The following POC1A variants were observed in gnomAD, a reference collection of about 807,000 sequenced individuals.
POC1A encodes POC1 centriolar protein A, also known as POC1 centriolar protein homolog A.
Under a neutral mutation model 47.8 loss-of-function variants are expected in POC1A, and 34 were observed. The observed-to-expected ratio is 0.71, with a 90% CI of 0.54 to 0.95. POC1A has a LOEUF of 0.95. Ranked by LOEUF, POC1A falls within the 40% of genes least tolerant of loss-of-function variation. The pLI is 0.00. For synonymous variants in POC1A, 177 were observed against 207.6 expected (o/e 0.85, Z 1.27); for missense variants, 466 against 528.3 (o/e 0.88, Z 1.16).
At position 52,079,837 on chromosome 3, in the gene POC1A, A is replaced by G. The variant is rs1272344227; in HGVS notation, c.1126-3852T>C. 6.6e-6 allele frequency among the ~76,000 whole-genome samples: 1 copy of G among 152,216 alleles called. No homozygotes were observed. Among genetic ancestry groups the G allele is most frequent in the Non-Finnish European group, 1.5e-5 (1 of 68,040 alleles). On this transcript the variant is annotated intron_variant, in intron 10 of 10. Transcript: ENST00000296484. The surrounding 1 kb of genome is among the most constrained non-coding windows in gnomAD (Gnocchi z 4.6). ...TCTTGCTGGGGTCCAACTCTTCCAC[A>G]GTGCGGCCCCTTCTGTCTGCTGACC...
chr3:52,105,215 C>A (rs1442441862), intron 9 of POC1A, among the ~76,000 whole-genome samples: 7 of 152,288 alleles, frequency 4.6e-5, no homozygotes, highest in Non-Finnish European at 1.5e-5. Flanking sequence ...TCACTGAAAA[C>A]CAAGGCATGT....
At chr3:52,113,519 A>G (rs1703452673) in intron 9 of POC1A, among the ~76,000 whole-genome samples, 1 of 152,238 alleles carries the variant, frequency 6.6e-6, no homozygotes, top group Admixed American at 6.5e-5. Context: ...CCCAGCCAAC[A>G]TGGTGAAACA....
chr3:52,100,181 A>G (rs1031916279), intron 9 of POC1A, among the ~76,000 whole-genome samples: 2 of 152,206 alleles, frequency 1.3e-5, no homozygotes, highest in Admixed American at 1.3e-4. Context: ...GGAATTGCCT[A>G]AATGTCTGTG....
intron 1 of POC1A, 83 bp from the exon 2 acceptor site, chr3:52,151,183 G>C: frequency 2.5e-6 from 4 of 1,585,596 alleles, no homozygotes; most frequent in Admixed American, 1.8e-5. Flanking sequence ...TACAACAGCC[G>C]GGGGAGTAGG....
At chr3:52,151,180 G>T in intron 1 of POC1A, 80 bp from the exon 2 acceptor site, 1 of 1,595,726 alleles carries the variant, frequency 6.3e-7, no homozygotes. Context: ...TCCTACAACA[G>T]CCGGGGGAGT....
intron 6 of POC1A, 57 bp from the exon 7 acceptor site, chr3:52,138,359 G>C: frequency 6.4e-7 from 1 of 1,560,158 alleles, no homozygotes. Flanking sequence ...CACAGCTGAA[G>C]CCCAAGACGG....
At chr3:52,111,303 C>T (rs1703371465) in intron 9 of POC1A, among the ~76,000 whole-genome samples, 1 of 152,218 alleles carries the variant, frequency 6.6e-6, no homozygotes, top group African/African-American at 2.4e-5. Context: ...CTACCCTAAT[C>T]GCTGTTTCAG....
In POC1A at chr3:52,090,869, G is replaced by C. The variant is rs55664415; in HGVS notation, c.1125+5700C>G. Among the ~76,000 whole-genome samples the C allele has an allele frequency of 6.6e-6, 1 of 152,046 alleles. No homozygotes were observed. The highest frequency in any genetic ancestry group is 1.5e-5 in the Non-Finnish European group (1 of 68,006). ...ATGGAGGAGCCTGGCCTGGGGGGCA[G>C]GCAGATGAAAAGGCCCCAGGGGAAG... On this transcript the variant is annotated intron_variant, in intron 10 of 10. Coordinates refer to ENST00000296484, the MANE Select transcript of POC1A (RefSeq NM_015426.5). This position sits in a 1 kb window ranked among gnomAD's most constrained non-coding sequence, Gnocchi z 4.2.
rs114361781 is a variant in POC1A, at chr3:52,078,542, G to A, written c.1126-2557C>T. Among the ~76,000 whole-genome samples, 878 of 119,492 alleles carry A rather than the reference G, an allele frequency of 7.3e-3. 13 individuals carry two copies. The highest frequency in any genetic ancestry group is 0.028 in the African/African-American group (829 of 29,728). The allele number at this position is 119,492 out of a possible 152,430, so 78.4% of individuals were successfully genotyped here. On this transcript the variant is annotated intron_variant, in intron 10 of 10. Transcript: ENST00000296484. Reference sequence around the variant, plus strand: ...TTTTTTTTTTTTAAGACTGAGTCTCGTTCTGTCGACCCGGCTGAAGTGCAG... The same window carrying A: ...TTTTTTTTTTTTAAGACTGAGTCTCATTCTGTCGACCCGGCTGAAGTGCAG...
intron 9 of POC1A, among the ~76,000 whole-genome samples, chr3:52,111,987 CAGGGCTGGCAG>C (rs1703403645): frequency 6.6e-6 from 1 of 152,200 alleles, no homozygotes; most frequent in African/African-American, 2.4e-5. Context: ...GACAGAACAA[CAGGGCTGGCAG>C]AGGCTCACAG....
chr3:52,100,550 C>T (rs1038811385), intron 9 of POC1A, among the ~76,000 whole-genome samples: 1 of 152,186 alleles, frequency 6.6e-6, no homozygotes, highest in African/African-American at 2.4e-5. Context: ...AGAAAGTGAG[C>T]ATCAGCTGTG....
chr3:52,076,300 C>A (rs973531089), intron 10 of POC1A, among the ~76,000 whole-genome samples: 1 of 152,172 alleles, frequency 6.6e-6, no homozygotes, highest in African/African-American at 2.4e-5. Context: ...GGTCAGGAAC[C>A]CCCCACCCTG....
chr3:52,110,009 C>G (rs1048073588), intron 9 of POC1A, among the ~76,000 whole-genome samples: 1 of 152,150 alleles, frequency 6.6e-6, no homozygotes, highest in African/African-American at 2.4e-5. Context: ...ATCTGCCCCC[C>G]AAAACTGACA....
intron 9 of POC1A, among the ~76,000 whole-genome samples, chr3:52,104,363 T>C (rs1444471866): frequency 6.6e-6 from 1 of 152,180 alleles, no homozygotes; most frequent in Non-Finnish European, 1.5e-5. Context: ...GAGAACATTT[T>C]GGGATGATGG....
intron 7 of POC1A, among the ~76,000 whole-genome samples, chr3:52,126,419 C>A (rs1213121004): frequency 1.3e-5 from 2 of 152,222 alleles, no homozygotes; most frequent in Non-Finnish European, 2.9e-5. Flanking sequence ...CCCACCCATG[C>A]TTCCAGAGTC....
At chr3:52,149,446 C>G in intron 3 of POC1A, 57 bp from the exon 4 acceptor site, 1 of 1,520,840 alleles carries the variant, frequency 6.6e-7, no homozygotes, top group Middle Eastern at 1.7e-4. Flanking sequence ...TGAGAGCCCA[C>G]AAGCACATCA....
chr3:52,080,611 A>G (rs1702249895), intron 10 of POC1A, among the ~76,000 whole-genome samples: 1 of 152,192 alleles, frequency 6.6e-6, no homozygotes, highest in Non-Finnish European at 1.5e-5. Flanking sequence ...AATTCATGTG[A>G]GCCATGAAAA....
intron 10 of POC1A, among the ~76,000 whole-genome samples, chr3:52,077,101 C>T (rs562174172): frequency 6.6e-6 from 1 of 152,374 alleles, no homozygotes; most frequent in South Asian, 2.1e-4. Flanking sequence ...ATTTCACTTC[C>T]CTCTTTAGGG....
intron 9 of POC1A, among the ~76,000 whole-genome samples, chr3:52,105,989 T>C (rs953802872): frequency 4.6e-5 from 7 of 151,494 alleles, no homozygotes; most frequent in Non-Finnish European, 8.8e-5. Context: ...GGTCAGGAGA[T>C]CGAGACCATC....
Sources: allele counts gnomAD v4.1 joint callset (sites outside exome capture counted in the v4.1 genomes callset), GRCh38; gene constraint gnomAD v4.1.1; non-coding constraint Gnocchi (gnomAD v3.1); transcripts MANE v1.5; gene names NCBI Gene and HGNC (gene_info 2026-07-23, HGNC 2026-07-21).